Variants in PLEKHG2 observed in about 807,000 individuals in gnomAD.
The protein encoded by PLEKHG2 is pleckstrin homology domain-containing family G member 2.
In PLEKHG2, 71 loss-of-function variants were observed where a neutral mutation model predicts 104.4. That is an observed-to-expected ratio of 0.68 (90% CI 0.56 to 0.83). The LOEUF is 0.83. Among genes scored for constraint, PLEKHG2 ranks in the 40% least tolerant of loss-of-function variants. PLEKHG2 has a pLI of 0.00. For missense variants in PLEKHG2, 1,730 were observed against 1,809.4 expected (o/e 0.96, Z 0.80); for synonymous variants, 728 against 737.0 (o/e 0.99, Z 0.20).
chr19:39,420,940 C>T lies in PLEKHG2; in HGVS notation c.1400-9C>T, dbSNP rs773525118. ...GGCTCACACAGGGCTCTGGCCCTCC[C>T]TCCCACAGCTCCATCTCCTGGGCCC... is the stretch of plus-strand genomic sequence containing the variant. On this transcript the variant is annotated splice_polypyrimidine_tract_variant and intron_variant, in intron 13 of 18. Coordinates refer to ENST00000425673, the MANE Select transcript of PLEKHG2 (RefSeq NM_022835.3). 6.2e-6 allele frequency: 10 copies of T among 1,613,966 alleles called. No homozygotes were observed. The highest frequency in any genetic ancestry group is 8.5e-6 in the Non-Finnish European group (10 of 1,180,030).
At position 39,424,950 on chromosome 19, in the gene PLEKHG2, A is replaced by T; in HGVS notation, c.3817A>T (p.Asn1273Tyr). Residue 1273 changes from asparagine to tyrosine, a missense_variant, in exon 19 of 19, where the codon AAT becomes TAT. Transcript: ENST00000425673. ...PPSSRQLLGP[N>Y]AAALSRYLAA... The stretch of plus-strand genomic sequence containing the variant: ...TTCCAGCCGTCAGCTCCTGGGCCCC[A>T]ATGCAGCTGCCCTCTCCAGATACCT... 6.2e-7 allele frequency: 1 copy of T among 1,614,106 alleles called. No individual in the cohort carries two copies. Among genetic ancestry groups the T allele is most frequent in the South Asian group, 1.1e-5 (1 of 91,080 alleles).
At chr19:39,420,907 G>C (rs766628724) in intron 13 of PLEKHG2, 42 bp from the exon 14 acceptor site, 3 of 1,613,834 alleles carry the variant, frequency 1.9e-6, no homozygotes, top group South Asian at 1.1e-5. Context: ...CCTAGGACCC[G>C]GGAGCTGGGC....
In PLEKHG2 at chr19:39,427,132, TCTC is replaced by T. The variant is rs2078791073; in HGVS notation, c.*1841_*1843del. 1 of 151,998 alleles carries T rather than the reference TCTC, an allele frequency of 6.6e-6. No individual in the cohort carries two copies. The highest frequency in any genetic ancestry group is 1.5e-5 in the Non-Finnish European group (1 of 68,064). The allele number at this position is 151,998 out of a possible 1,614,324, so 9.4% of individuals were successfully genotyped here. A position where few individuals can be genotyped will look rare whatever the true frequency, so the allele number is the denominator to read the frequency against. On this transcript the variant is annotated 3_prime_UTR_variant, in exon 19 of 19. Transcript: ENST00000425673. ...GCTCCGCTTCCCGGGTTCACGCCAT[TCTC>T]CTGCCTCAGCCTCCCGAGTAGCTGG... is the stretch of plus-strand genomic sequence containing the variant.
At chr19:39,419,903 A>G (rs575235542) in intron 11 of PLEKHG2, among the ~76,000 whole-genome samples, 1 of 150,260 alleles carries the variant, frequency 6.7e-6, no homozygotes, top group Admixed American at 6.6e-5. Flanking sequence ...AAAAAGAAAA[A>G]TTAGCTGGGC....
Position 39,427,653 on chromosome 19 carries a change from CAGTT to C in PLEKHG2, c.*2362_*2365del, listed in dbSNP as rs1241776432. ...CCCAGGAATCTGAATTTTTAGCAAT[CAGTT>C]AGCAGCAAATAAGCTGAGATTTCCT... is the stretch of plus-strand genomic sequence containing the variant. On this transcript the variant is annotated 3_prime_UTR_variant, in exon 19 of 19. Transcript: ENST00000425673. The C allele has an allele frequency of 1.8e-4, 27 of 152,162 alleles. No individual in the cohort carries two copies. The highest frequency in any genetic ancestry group is 2.8e-4 in the Non-Finnish European group (19 of 68,038). 9.4% of individuals were successfully genotyped at this position (152,162 alleles called of 1,614,324 possible). A position where few individuals can be genotyped will look rare whatever the true frequency, so the allele number is the denominator to read the frequency against.
intron 9 of PLEKHG2, among the ~76,000 whole-genome samples, chr19:39,418,456 G>A (rs1214985682): frequency 1.3e-5 from 2 of 152,070 alleles, no homozygotes; most frequent in Non-Finnish European, 2.9e-5. Flanking sequence ...GCAAGTGCCT[G>A]TAATCCCAGC....
chr19:39,418,180 G>A (rs2145991966), intron 9 of PLEKHG2, 75 bp downstream of exon 9: 2 of 1,263,478 alleles, frequency 1.6e-6, no homozygotes, highest in South Asian at 2.3e-5. Flanking sequence ...TGTGTGCCCG[G>A]CAGTGTGGGC....
Position 39,416,406 on chromosome 19 carries a change from G to A in PLEKHG2, c.538G>A (p.Val180Met), listed in dbSNP as rs759828258. 10 of 1,613,062 alleles carry A rather than the reference G, an allele frequency of 6.2e-6. No individual in the cohort carries two copies. The East Asian group carries it at 6.7e-5, about 11-fold the overall frequency. ...SSAGGIAECF[V>M]QRSEDFDIYT... is the part of the protein sequence containing the mutation. ...CGCCGGGGGTATTGCCGAGTGCTTC[G>A]TGCAGAGGGTGAGTGGAGGGGTGGG... The change falls in exon 5 of 19, where the codon GTG becomes ATG. Residue 180 changes from valine (V) to methionine (M), a missense_variant. Physicochemically the swap from Val to Met is conservative, Grantham distance 21. Transcript: ENST00000425673. This position sits in a 1 kb window ranked among gnomAD's most constrained non-coding sequence, Gnocchi z 4.5.
Position 39,424,819 on chromosome 19 carries a change from C to T in PLEKHG2, c.3686C>T (p.Thr1229Ile). ...CTAGACATTCAGGGCCTCTCACCCA[C>T]CCCAGTTCAGACCACCATGGTTTTG... ...GSLDIQGLSP[T>I]PVQTTMVLSK... Residue 1229 changes from threonine to isoleucine, a missense_variant, in exon 19 of 19, where the codon ACC (threonine) becomes ATC (isoleucine). By Grantham distance (89) the Thr-to-Ile change is moderately conservative (BLOSUM62 -1). Coordinates refer to ENST00000425673, the MANE Select transcript of PLEKHG2 (RefSeq NM_022835.3). 6.2e-7 allele frequency: 1 copy of T among 1,614,222 alleles called. No individual in the cohort carries two copies.
In PLEKHG2 at chr19:39,422,198, T is replaced by C; in HGVS notation, c.1587T>C (p.Asp529=). ...CTGCACCCCCTGAGGACCTGGAGGA[T>C]GCTGGACCCCCAACACTGGACCCCT... ...SGSAPPEDLE[D]AGPPTLDPSG... is the part of the protein sequence containing the mutation. The change falls in exon 17 of 19, where the codon GAT becomes GAC. Residue 529 remains aspartate (D), a synonymous_variant. Transcript: ENST00000425673. The C allele has an allele frequency of 6.2e-7, 1 of 1,613,954 alleles. No homozygotes were observed.
chr19:39,420,821 T>C lies in PLEKHG2; in HGVS notation c.1368T>C (p.Ala456=). 1 of 1,614,054 alleles carries C rather than the reference T, an allele frequency of 6.2e-7. No individual in the cohort carries two copies. Among genetic ancestry groups the C allele is most frequent in the Non-Finnish European group, 8.5e-7 (1 of 1,180,004 alleles). ...PPLGSPRPRD[A]RSFTPGRRNT... is the part of the protein sequence containing the mutation. ...TTGGGTCTCCTCGACCTCGAGATGC[T>C]AGAAGTTTTACCCCTGGGCGAAGGA... Residue 456 remains alanine (A), a synonymous_variant, in exon 13 of 19, where the codon GCT becomes GCC. Coordinates refer to ENST00000425673, the MANE Select transcript of PLEKHG2 (RefSeq NM_022835.3).
Position 39,419,004 on chromosome 19 carries a change from G to A in PLEKHG2, c.1263+1G>A. 2 of 1,608,822 alleles carry A rather than the reference G, an allele frequency of 1.2e-6. No homozygotes were observed. Reference sequence around the variant, plus strand: ...CCACCCTGCCTCCATCCCTGCCAAGGTACAGCTCCTGCCGCAGCCGGGGGC... The same window carrying A: ...CCACCCTGCCTCCATCCCTGCCAAGATACAGCTCCTGCCGCAGCCGGGGGC... On this transcript the variant is annotated splice_donor_variant, in intron 11 of 18. Transcript: ENST00000425673. LOFTEE classifies it high-confidence loss of function.
Position 39,424,411 on chromosome 19 carries a change from C to T in PLEKHG2, c.3278C>T (p.Thr1093Ile), listed in dbSNP as rs1172029100. 1 of 1,613,974 alleles carries T rather than the reference C, an allele frequency of 6.2e-7. No homozygotes were observed. The highest frequency in any genetic ancestry group is 2.2e-5 in the East Asian group (1 of 44,884). Residue 1093 changes from threonine (T) to isoleucine (I), a missense_variant, in exon 19 of 19, where the codon ACC becomes ATC. Physicochemically the swap from Thr to Ile is moderately conservative, Grantham distance 89 (BLOSUM62 -1). Transcript: ENST00000425673. ...SSLDPQGPGD[T>I]LPPLPCHLPD... ...CTGGATCCCCAGGGCCCAGGCGACA[C>T]CCTACCACCCTTGCCATGTCACCTC... is the stretch of plus-strand genomic sequence containing the variant.
At position 39,413,731 on chromosome 19, in the gene PLEKHG2, A is replaced by C; in HGVS notation, c.-23+319A>C. Reference sequence around the variant, plus strand: ...CCTGGGACCCCGCGGCCTCCCGCCCACGGCTTTTCCCAGCCCTGCCCCTCG... The same window carrying C: ...CCTGGGACCCCGCGGCCTCCCGCCCCCGGCTTTTCCCAGCCCTGCCCCTCG... On this transcript the variant is annotated intron_variant, in intron 1 of 18. Coordinates refer to ENST00000425673, the MANE Select transcript of PLEKHG2 (RefSeq NM_022835.3). The surrounding 1 kb of genome is among the most constrained non-coding windows in gnomAD (Gnocchi z 4.5). 6.1e-6 allele frequency: 1 copy of C among 163,166 alleles called. No individual in the cohort carries two copies. The highest frequency in any genetic ancestry group is 1.3e-5 in the Non-Finnish European group (1 of 74,226). 10.1% of individuals were successfully genotyped at this position (163,166 alleles called of 1,614,324 possible). A position where few individuals can be genotyped will look rare whatever the true frequency, so the allele number is the denominator to read the frequency against.
In PLEKHG2 at chr19:39,425,268, G is replaced by T; in HGVS notation, c.4135G>T (p.Ala1379Ser). Reference sequence around the variant, plus strand: ...TATGGGCCTTCACAGGGCCCAGGGGGCTCCTGATGCCCCCTTCCACATGTG... The same window carrying T: ...TATGGGCCTTCACAGGGCCCAGGGGTCTCCTGATGCCCCCTTCCACATGTG... Reference protein sequence around the residue: ...ESMGLHRAQGAPDAPFHM With the variant: ...ESMGLHRAQGSPDAPFHM Residue 1379 changes from alanine to serine, a missense_variant, in exon 19 of 19, where the codon GCT becomes TCT. Ala to Ser is a moderately conservative substitution (Grantham distance 99). Coordinates refer to ENST00000425673, the MANE Select transcript of PLEKHG2 (RefSeq NM_022835.3). 6.2e-7 allele frequency: 1 copy of T among 1,612,152 alleles called. No homozygotes were observed. Among genetic ancestry groups the T allele is most frequent in the Non-Finnish European group, 8.5e-7 (1 of 1,179,554 alleles).
rs182486572 is a variant in PLEKHG2, at chr19:39,415,504, C to T, written c.479+65C>T. 4.1e-4 allele frequency: 635 copies of T among 1,554,758 alleles called. 6 individuals are homozygous for T. The East Asian group carries it at 0.013, about 31-fold the overall frequency. The stretch of plus-strand genomic sequence containing the variant: ...TGGAGGGTCTATTTCCTAATCCAAA[C>T]CTCGGAGCTTCGTAGTGTCCTGTCC... On this transcript the variant is annotated intron_variant, in intron 4 of 18. Coordinates refer to ENST00000425673, the MANE Select transcript of PLEKHG2 (RefSeq NM_022835.3). The surrounding 1 kb of genome is among the most constrained non-coding windows in gnomAD (Gnocchi z 4.6).
chr19:39,414,274 C>T, intron 2 of PLEKHG2, 79 bp downstream of exon 2: 2 of 1,396,986 alleles, frequency 1.4e-6, no homozygotes, highest in Non-Finnish European at 2.0e-6. Context: ...GTGATGGAGA[C>T]AACCCCAGGC....
rs372208970 is a variant in PLEKHG2 at position 39,424,140 on chromosome 19, G to A, written c.3007G>A (p.Ala1003Thr). 265 of 1,613,948 alleles carry A rather than the reference G, an allele frequency of 1.6e-4. No individual in the cohort carries two copies. Among genetic ancestry groups the A allele is most frequent in the Non-Finnish European group, 1.9e-4 (220 of 1,179,952 alleles). The change falls in exon 19 of 19, where the codon GCC becomes ACC. Residue 1003 changes from alanine to threonine, a missense_variant. Ala to Thr is a moderately conservative substitution (Grantham distance 58, BLOSUM62 0). Coordinates refer to ENST00000425673, the MANE Select transcript of PLEKHG2 (RefSeq NM_022835.3). ...SHMVIPAPST[A>T]FCPEQGHCAD... ...CATGGTTATACCAGCTCCATCCACC[G>A]CCTTTTGTCCTGAGCAGGGACACTG...
intron 16 of PLEKHG2, 52 bp from the exon 17 acceptor site, chr19:39,422,061 CTA>C (rs2078706247): frequency 6.5e-7 from 1 of 1,531,736 alleles, no homozygotes; most frequent in Admixed American, 2.1e-5. Flanking sequence ...TTGGGGTCCT[CTA>C]TGTGAGGGAG....
Sources: allele counts gnomAD v4.1 joint callset (sites outside exome capture counted in the v4.1 genomes callset), GRCh38; gene constraint gnomAD v4.1.1; non-coding constraint Gnocchi (gnomAD v3.1); transcripts MANE v1.5; gene names NCBI Gene and HGNC (gene_info 2026-07-23, HGNC 2026-07-21).